DNAJB1: variants seen among roughly 807,000 people sequenced by gnomAD.
DNAJB1 encodes dnaJ homolog subfamily B member 1.
In DNAJB1, 14 loss-of-function variants were observed where a neutral mutation model predicts 24.0. The ratio of observed to expected loss-of-function variants is 0.58; its 90% CI spans 0.39 to 0.91. The LOEUF is 0.91. Ranked by LOEUF, DNAJB1 falls within the 40% of genes least tolerant of loss-of-function variation. The pLI, the probability that DNAJB1 is intolerant of heterozygous loss-of-function variation, is 0.00. For missense variants in DNAJB1, 517 were observed against 458.1 expected (o/e 1.13, Z -1.17); for synonymous variants, 262 against 174.4 (o/e 1.50, Z -3.96).
upstream of DNAJB1, chr19:14,530,252 TCA>T (rs1387381154): frequency 5.9e-6 from 1 of 168,688 alleles, no homozygotes; most frequent in Non-Finnish European, 1.3e-5. Flanking sequence ...TTTCTGGTTA[TCA>T]AAGAGGTCAT....
chr19:14,553,346 C>T (rs2073605410), upstream of DNAJB1, among the ~76,000 whole-genome samples: 1 of 152,142 alleles, frequency 6.6e-6, no homozygotes, highest in Non-Finnish European at 1.5e-5. Context: ...AGGTAGAAGA[C>T]AGGAGCAGAG....
chr19:14,549,891 C>A (rs1488041494), intron 1 of DNAJB1, among the ~76,000 whole-genome samples: 1 of 151,426 alleles, frequency 6.6e-6, no homozygotes, highest in Non-Finnish European at 1.5e-5. Flanking sequence ...TGCAGTGAGC[C>A]GAGATTGTGC....
exon 1 of DNAJB1, chr19:14,529,222 C>T (rs530004953): frequency 7.3e-6 from 2 of 274,292 alleles, no homozygotes; most frequent in Admixed American, 9.1e-5. Flanking sequence ...CAGAATTTAC[C>T]CCTTCGGCGC....
chr19:14,537,512 AG>A (rs1164601110), intron 1 of DNAJB1, among the ~76,000 whole-genome samples: 1 of 152,078 alleles, frequency 6.6e-6, no homozygotes, highest in African/African-American at 2.4e-5. Context: ...GACTCTGATA[AG>A]GTGGTTGGGT....
chr19:14,519,117 C>T (rs1476145156), upstream of DNAJB1, among the ~76,000 whole-genome samples: 1 of 152,192 alleles, frequency 6.6e-6, no homozygotes, highest in Non-Finnish European at 1.5e-5. Flanking sequence ...CCTGTAATCC[C>T]AGCATTTTGG....
chr19:14,552,660 G>A (rs1044959075), upstream of DNAJB1, among the ~76,000 whole-genome samples: 5 of 151,374 alleles, frequency 3.3e-5, no homozygotes, highest in African/African-American at 1.2e-4. Flanking sequence ...TCAGCCTCCC[G>A]AGTAGCTGGG....
upstream of DNAJB1, chr19:14,529,833 C>T (rs1029809048): frequency 9.2e-6 from 13 of 1,410,360 alleles, no homozygotes; most frequent in Non-Finnish European, 1.3e-5. Context: ...ACGGCGCAGG[C>T]GCAGTGGGCA....
upstream of DNAJB1, among the ~76,000 whole-genome samples, chr19:14,518,722 T>C (rs1228707387): frequency 6.6e-6 from 1 of 152,168 alleles, no homozygotes; most frequent in Non-Finnish European, 1.5e-5. Flanking sequence ...CGTCCCGCCC[T>C]CCGCCTGGGT....
chr19:14,534,817 G>T (rs143135005), intron 1 of DNAJB1, among the ~76,000 whole-genome samples: 2 of 152,304 alleles, frequency 1.3e-5, no homozygotes, highest in East Asian at 3.9e-4. Context: ...GCTCAGAGAG[G>T]TAAACTAAGC....
intron 2 of DNAJB1, among the ~76,000 whole-genome samples, chr19:14,524,575 G>GT (rs1232032559): frequency 1.3e-5 from 2 of 152,150 alleles, no homozygotes; most frequent in East Asian, 3.8e-4. Context: ...GCTGGGTGCG[G>GT]TGGCTCATGC....
chr19:14,543,884 C>T (rs2073213168), intron 1 of DNAJB1, among the ~76,000 whole-genome samples: 1 of 151,726 alleles, frequency 6.6e-6, no homozygotes, highest in Non-Finnish European at 1.5e-5. Flanking sequence ...TACAGGCATG[C>T]ACCACCCCAC....
Position 14,518,395 on chromosome 19 carries a change from T to A in DNAJB1, c.-46A>T. 1 of 1,511,820 alleles carries A rather than the reference T, an allele frequency of 6.6e-7. No individual in the cohort carries two copies. Among genetic ancestry groups the A allele is most frequent in the East Asian group, 2.4e-5 (1 of 42,218 alleles). The allele number at this position is 1,511,820 out of a possible 1,614,324, so 93.7% of individuals were successfully genotyped here. A position where few individuals can be genotyped will look rare whatever the true frequency, so the allele number is the denominator to read the frequency against. The stretch of plus-strand genomic sequence containing the variant: ...CGACCCGCTGTCGCCGTCCCCCGGC[T>A]CCGCCGCCGACCAGTCCCGGACTCT... On this transcript the variant is annotated 5_prime_UTR_variant, in exon 1 of 3. Coordinates refer to ENST00000254322, the MANE Select transcript of DNAJB1 (RefSeq NM_006145.3).
chr19:14,516,314 G>T, intron 2 of DNAJB1, 144 bp from the exon 3 acceptor site: 1 of 1,264,354 alleles, frequency 7.9e-7, no homozygotes, highest in Non-Finnish European at 1.1e-6. Context: ...CACCACGAAA[G>T]CTCCACAACA....
At chr19:14,542,670 T>G (rs2073144709) in intron 1 of DNAJB1, among the ~76,000 whole-genome samples, 1 of 152,034 alleles carries the variant, frequency 6.6e-6, no homozygotes, top group Non-Finnish European at 1.5e-5. Context: ...CCCACCATGG[T>G]GTTTGTAATA....
At chr19:14,540,250 A>G (rs933011582) in intron 1 of DNAJB1, among the ~76,000 whole-genome samples, 1 of 150,312 alleles carries the variant, frequency 6.7e-6, no homozygotes, top group South Asian at 2.1e-4. Flanking sequence ...TTTTATTTTT[A>G]CTAGAGACAG....
At chr19:14,557,997 C>T (rs1308084624) in intron 1 of DNAJB1, among the ~76,000 whole-genome samples, 6 of 151,998 alleles carry the variant, frequency 3.9e-5, no homozygotes, top group South Asian at 2.1e-4. Context: ...CCTCGTGATT[C>T]GCCCGCCTCG....
At chr19:14,559,281 C>G (rs1342256437) in intron 1 of DNAJB1, among the ~76,000 whole-genome samples, 2 of 152,064 alleles carry the variant, frequency 1.3e-5, no homozygotes, top group South Asian at 2.1e-4. Context: ...TGTCTCGTCC[C>G]AGAACATTTT....
At chr19:14,542,349 T>TTTTTTTTTG (rs2073127863) in intron 1 of DNAJB1, among the ~76,000 whole-genome samples, 2 of 44,486 alleles carry the variant, frequency 4.5e-5, no homozygotes, top group Non-Finnish European at 9.1e-5. Flanking sequence ...GCCATAGTGT[T>TTTTTTTTTG]TTTTTTTTTT....
intron 1 of DNAJB1, among the ~76,000 whole-genome samples, chr19:14,555,839 G>A (rs924424629): frequency 2.0e-5 from 3 of 152,178 alleles, no homozygotes; most frequent in Admixed American, 2.0e-4. Flanking sequence ...TCCTGTCTCA[G>A]CCTCCTAAAG....
Sources: gnomAD v4.1 joint callset for allele counts (sites outside exome capture counted in the v4.1 genomes callset) on GRCh38, gnomAD v4.1.1 for gene constraint, MANE v1.5 for transcripts, NCBI Gene and HGNC (gene_info 2026-07-23, HGNC 2026-07-21) for gene names.